XKR9: variants seen among roughly 807,000 people sequenced by gnomAD.
The protein encoded by XKR9 is XK related 9.
A neutral mutation model predicts 32.0 loss-of-function variants in XKR9; 32 were observed. The ratio of observed to expected loss-of-function variants is 1.00; its 90% CI spans 0.76 to 1.34. The LOEUF is 1.34. Ranked by LOEUF, XKR9 falls within the 40% of genes most tolerant of loss-of-function variation. XKR9 has a pLI of 0.00. For missense variants in XKR9, 546 were observed against 429.7 expected, an observed-to-expected ratio of 1.27 and a Z score of -2.39; for synonymous variants, 168 against 143.4, an observed-to-expected ratio of 1.17 and a Z score of -1.22.
At chr8:70,858,904 C>A in the XKR9 span, among the ~76,000 whole-genome samples, 1 of 151,948 alleles carries the variant, frequency 6.6e-6, no homozygotes, top group Admixed American at 6.6e-5. Flanking sequence ...ATGAAATTAC[C>A]CATAAAAACA....
the XKR9 span, among the ~76,000 whole-genome samples, chr8:70,898,925 C>G: frequency 1.3e-5 from 2 of 151,786 alleles, no homozygotes; most frequent in East Asian, 3.9e-4. Flanking sequence ...TTTTCTTTTT[C>G]TTTTTGAGAC....
At chr8:70,907,320 A>G in the XKR9 span, among the ~76,000 whole-genome samples, 34 of 152,298 alleles carry the variant, frequency 2.2e-4, no homozygotes, top group African/African-American at 8.2e-4. Flanking sequence ...GCTGTTCTGT[A>G]TAAAAGTTTG....
At chr8:70,773,280 C>A in intron 2 of XKR9, among the ~76,000 whole-genome samples, 1 of 152,164 alleles carries the variant, frequency 6.6e-6, no homozygotes, top group East Asian at 1.9e-4. Flanking sequence ...TATGGATATG[C>A]AGGGAAGCAG....
chr8:70,867,212 A>C, the XKR9 span, among the ~76,000 whole-genome samples: 1 of 152,196 alleles, frequency 6.6e-6, no homozygotes, highest in Non-Finnish European at 1.5e-5. Flanking sequence ...ACTCTGCCTT[A>C]TAAAGCCATC....
chr8:70,845,258 C>T, the XKR9 span, among the ~76,000 whole-genome samples: 1 of 152,168 alleles, frequency 6.6e-6, no homozygotes. Context: ...CCTACCCAAC[C>T]AACACTATAG....
chr8:70,874,427 G>A, the XKR9 span, among the ~76,000 whole-genome samples: 1 of 152,156 alleles, frequency 6.6e-6, no homozygotes, highest in Non-Finnish European at 1.5e-5. Flanking sequence ...AAGTAGAAAT[G>A]TTACTAAATT....
the XKR9 span, among the ~76,000 whole-genome samples, chr8:70,910,411 CCA>C: frequency 6.6e-6 from 1 of 152,014 alleles, no homozygotes; most frequent in African/African-American, 2.4e-5. Flanking sequence ...GATATGGGCT[CCA>C]GTTTCCTAGT....
chr8:70,910,537 A>G, the XKR9 span, among the ~76,000 whole-genome samples: 1 of 152,232 alleles, frequency 6.6e-6, no homozygotes, highest in Non-Finnish European at 1.5e-5. Flanking sequence ...TTAGAACCCT[A>G]TTACAAAATG....
At chr8:70,682,112 T>C (rs1287404352) in intron 3 of XKR9, among the ~76,000 whole-genome samples, 2 of 152,062 alleles carry the variant, frequency 1.3e-5, no homozygotes, top group Non-Finnish European at 2.9e-5. Flanking sequence ...GAATGTGCAG[T>C]GAGAAAGAAG....
chr8:70,897,938 T>C, the XKR9 span, among the ~76,000 whole-genome samples: 1 of 152,158 alleles, frequency 6.6e-6, no homozygotes, highest in African/African-American at 2.4e-5. Flanking sequence ...GAAATGTAAT[T>C]ACTTTTACAT....
chr8:70,967,141 C>T, the XKR9 span, among the ~76,000 whole-genome samples: 178 of 146,862 alleles, frequency 1.2e-3, no homozygotes, highest in South Asian at 8.7e-3. Context: ...TGGCTCACTG[C>T]AAGCTCCACC....
chr8:71,012,644 G>A, the XKR9 span, among the ~76,000 whole-genome samples: 1 of 152,094 alleles, frequency 6.6e-6, no homozygotes, highest in Non-Finnish European at 1.5e-5. Context: ...CCATATGCCA[G>A]GCATTGTACT....
the XKR9 span, among the ~76,000 whole-genome samples, chr8:70,886,246 T>C: frequency 6.6e-6 from 1 of 152,218 alleles, no homozygotes; most frequent in African/African-American, 2.4e-5. Flanking sequence ...CTGCATAGTA[T>C]TTCATGGTGT....
At chr8:70,766,599 G>T (rs1807379037) in intron 2 of XKR9, among the ~76,000 whole-genome samples, 2 of 152,060 alleles carry the variant, frequency 1.3e-5, no homozygotes, top group Non-Finnish European at 2.9e-5. Flanking sequence ...TCTTTCTCTT[G>T]CCTGATTGCC....
the XKR9 span, among the ~76,000 whole-genome samples, chr8:70,953,649 G>A: frequency 3.9e-5 from 6 of 152,132 alleles, no homozygotes; most frequent in African/African-American, 1.2e-4. Flanking sequence ...AGAAAACTAG[G>A]GATCAGGAGA....
chr8:71,045,513 T>G, the XKR9 span, among the ~76,000 whole-genome samples: 23 of 152,302 alleles, frequency 1.5e-4, no homozygotes, highest in African/African-American at 5.3e-4. Context: ...AAGAGAGCCT[T>G]TTCACTTTCT....
At chr8:70,908,544 T>A in the XKR9 span, among the ~76,000 whole-genome samples, 2 of 152,106 alleles carry the variant, frequency 1.3e-5, no homozygotes, top group African/African-American at 2.4e-5. Context: ...AGATCAGGAG[T>A]TGGCAACTTT....
At chr8:70,912,732 A>C in the XKR9 span, among the ~76,000 whole-genome samples, 1 of 152,116 alleles carries the variant, frequency 6.6e-6, no homozygotes, top group Non-Finnish European at 1.5e-5. Flanking sequence ...ACCTAGGAAA[A>C]AATGTACATG....
At chr8:71,011,347 A>G in the XKR9 span, among the ~76,000 whole-genome samples, 5 of 152,202 alleles carry the variant, frequency 3.3e-5, no homozygotes, top group African/African-American at 4.8e-5. Context: ...GGCATCTCTC[A>G]TGCTTCAGCT....
Sources: gnomAD v4.1 joint callset for allele counts (sites outside exome capture counted in the v4.1 genomes callset) on GRCh38, gnomAD v4.1.1 for gene constraint, MANE v1.5 for transcripts, NCBI Gene and HGNC (gene_info 2026-07-23, HGNC 2026-07-21) for gene names.